CADM2: variants seen among roughly 807,000 people sequenced by gnomAD.
CADM2 encodes the protein cell adhesion molecule 2.
Under a neutral mutation model 49.8 loss-of-function variants are expected in CADM2, and 12 were observed. The observed-to-expected ratio is 0.24, with a 90% CI of 0.15 to 0.39. The LOEUF is 0.39. Ranked by LOEUF, CADM2 falls within the 10% of genes least tolerant of loss-of-function variation. The pLI, the probability that CADM2 is intolerant of heterozygous loss-of-function variation, is 1.00. For synonymous variants in CADM2, 214 were observed against 175.4 expected, an observed-to-expected ratio of 1.22 and a Z score of -1.74; for missense variants, 378 against 492.3, an observed-to-expected ratio of 0.77 and a Z score of 2.20.
intron 1 of CADM2, among the ~76,000 whole-genome samples, chr3:85,432,628 A>C (rs950833917): frequency 2.0e-5 from 3 of 152,160 alleles, no homozygotes; most frequent in African/African-American, 7.2e-5. Flanking sequence ...ACATAAAACA[A>C]CACCAACAAA....
intron 7 of CADM2, among the ~76,000 whole-genome samples, chr3:85,947,141 G>T (rs1231932963): frequency 1.3e-5 from 2 of 152,026 alleles, no homozygotes; most frequent in African/African-American, 4.8e-5. Context: ...CGAAGGATAT[G>T]AACAGACACT....
chr3:86,065,307 G>A lies in CADM2; in HGVS notation c.971-298G>A, dbSNP rs562029582. ...GCAGACATACACACACATATTTTCA[G>A]ATGGAGGTGAGGAGGAAGGAAAGGT... On this transcript the variant is annotated intron_variant, in intron 8 of 9. Transcript: ENST00000383699. Among the ~76,000 whole-genome samples, 8 of 152,274 alleles carry A rather than the reference G, an allele frequency of 5.3e-5. No homozygotes were observed. The South Asian group carries it at 1.5e-3, about 28-fold the overall frequency.
chr3:85,755,459 TC>T (rs1317907614), intron 2 of CADM2, among the ~76,000 whole-genome samples: 5 of 152,014 alleles, frequency 3.3e-5, no homozygotes, highest in African/African-American at 9.7e-5. Context: ...ACCTGAAACC[TC>T]CCCAACCTCA....
At chr3:86,064,309 G>T (rs907826345) in intron 8 of CADM2, among the ~76,000 whole-genome samples, 21 of 152,084 alleles carry the variant, frequency 1.4e-4, no homozygotes, top group South Asian at 4.2e-4. Flanking sequence ...GCAGTGTTTG[G>T]TTTTTTGTCC....
intron 1 of CADM2, among the ~76,000 whole-genome samples, chr3:85,641,877 G>T (rs2064727406): frequency 6.6e-6 from 1 of 152,016 alleles, no homozygotes; most frequent in African/African-American, 2.4e-5. Flanking sequence ...CTTGCAGTGA[G>T]CCGAGGTCGC....
intron 8 of CADM2, among the ~76,000 whole-genome samples, chr3:86,018,696 T>G (rs545360928): frequency 6.6e-6 from 1 of 152,326 alleles, no homozygotes; most frequent in South Asian, 2.1e-4. Flanking sequence ...TGTCTGTTCA[T>G]GTCCTTCGCC....
chr3:85,383,487 A>T (rs2034015875), intron 1 of CADM2, among the ~76,000 whole-genome samples: 1 of 146,080 alleles, frequency 6.8e-6, no homozygotes, highest in Admixed American at 6.9e-5. Flanking sequence ...TTAATATAAT[A>T]CTTTATACAT....
chr3:85,448,998 C>T (rs905422242), intron 1 of CADM2, among the ~76,000 whole-genome samples: 50 of 150,074 alleles, frequency 3.3e-4, no homozygotes, highest in Non-Finnish European at 6.1e-4. Flanking sequence ...TGCAGTGAGC[C>T]AAGATCACAC....
intron 1 of CADM2, among the ~76,000 whole-genome samples, chr3:85,558,713 T>A (rs541734141): frequency 1.6e-4 from 25 of 152,212 alleles, no homozygotes; most frequent in African/African-American, 5.8e-4. Context: ...TGGAGAAATG[T>A]TAATTGAAAA....
intron 1 of CADM2, among the ~76,000 whole-genome samples, chr3:85,537,551 A>C (rs774166587): frequency 4.0e-5 from 6 of 151,852 alleles, no homozygotes; most frequent in Non-Finnish European, 7.4e-5. Flanking sequence ...TATGAGAAGA[A>C]AATGTGTTTA....
intron 1 of CADM2, among the ~76,000 whole-genome samples, chr3:85,587,801 G>A (rs895802298): frequency 9.2e-5 from 14 of 151,958 alleles, no homozygotes; most frequent in African/African-American, 3.4e-4. Context: ...CTGGAGTGCA[G>A]TGGTATGATC....
intron 1 of CADM2, among the ~76,000 whole-genome samples, chr3:85,435,591 C>T (rs898970308): frequency 2.6e-5 from 4 of 152,270 alleles, no homozygotes; most frequent in African/African-American, 9.6e-5. Context: ...GGAATCGCCA[C>T]ACTGTCTTCC....
At chr3:85,756,574 G>T (rs2107883457) in intron 2 of CADM2, among the ~76,000 whole-genome samples, 1 of 152,170 alleles carries the variant, frequency 6.6e-6, no homozygotes, top group Middle Eastern at 3.4e-3. Flanking sequence ...TGTAACCTGT[G>T]ATATTATATG....
chr3:85,117,933 C>T (rs903415216), intron 1 of CADM2, among the ~76,000 whole-genome samples: 5 of 152,028 alleles, frequency 3.3e-5, no homozygotes, highest in Non-Finnish European at 5.9e-5. Context: ...TGAGGCTTTT[C>T]ACAACTCTAA....
chr3:85,332,777 A>G (rs954589863), intron 1 of CADM2, among the ~76,000 whole-genome samples: 23 of 151,968 alleles, frequency 1.5e-4, no homozygotes, highest in African/African-American at 5.5e-4. Flanking sequence ...AAAGGCAGAT[A>G]AAAGATCTAC....
chr3:85,267,832 A>G (rs2043154714), intron 1 of CADM2, among the ~76,000 whole-genome samples: 1 of 151,692 alleles, frequency 6.6e-6, no homozygotes, highest in Admixed American at 6.6e-5. Context: ...TCTTGGAAAT[A>G]GGCAGAATAC....
At chr3:85,442,985 G>A (rs969951803) in intron 1 of CADM2, among the ~76,000 whole-genome samples, 2 of 151,832 alleles carry the variant, frequency 1.3e-5, no homozygotes, top group African/African-American at 4.8e-5. Flanking sequence ...ATACTAAAAA[G>A]TTTTAAATTT....
intron 4 of CADM2, among the ~76,000 whole-genome samples, chr3:85,885,290 A>C (rs1025065733): frequency 1.4e-4 from 21 of 151,264 alleles, no homozygotes; most frequent in South Asian, 6.3e-4. Flanking sequence ...TAATCCCAGC[A>C]CTTTGGGAGG....
intron 1 of CADM2, among the ~76,000 whole-genome samples, chr3:85,680,231 C>T (rs1410990778): frequency 1.3e-5 from 2 of 151,894 alleles, no homozygotes; most frequent in Non-Finnish European, 2.9e-5. Context: ...AAATTTTTCA[C>T]ACTTCTAAGA....
Sources: gnomAD v4.1 joint callset for allele counts (sites outside exome capture counted in the v4.1 genomes callset) on GRCh38, gnomAD v4.1.1 for gene constraint, MANE v1.5 for transcripts, NCBI Gene and HGNC (gene_info 2026-07-23, HGNC 2026-07-21) for gene names.